The following IPO11 variants were observed in gnomAD, a reference collection of about 807,000 sequenced individuals.
IPO11 encodes importin 11.
Under a neutral mutation model 143.2 loss-of-function variants are expected in IPO11, and 66 were observed. The observed-to-expected ratio is 0.46, with a 90% confidence interval of 0.38 to 0.57. The LOEUF (loss-of-function observed/expected upper bound fraction) is 0.57. IPO11 is among the 20% of genes least tolerant of loss of function. The probability of loss-of-function intolerance (pLI) is 0.00; values close to 1 mark genes in which losing one functional copy is unlikely to be tolerated. For synonymous variants in IPO11, 385 were observed against 377.8 expected, an observed-to-expected ratio of 1.02 and a Z score of -0.22; for missense variants, 1,026 against 1,141.0, an observed-to-expected ratio of 0.90 and a Z score of 1.45.
intron 1 of IPO11, among the ~76,000 whole-genome samples, chr5:62,420,478 A>T (rs1277699914): frequency 1.3e-5 from 2 of 152,186 alleles, no homozygotes; most frequent in Non-Finnish European, 2.9e-5. Context: ...ATTTACTACG[A>T]CTTAGGATGG....
intron 1 of IPO11, among the ~76,000 whole-genome samples, chr5:62,427,191 C>T (rs1027083000): frequency 1.3e-5 from 2 of 151,768 alleles, no homozygotes; most frequent in Admixed American, 6.6e-5. Flanking sequence ...CCACCTGCCT[C>T]GGCATCCCAA....
chr5:62,483,270 A>G lies in IPO11; in HGVS notation c.998A>G (p.Tyr333Cys), dbSNP rs2112223595. 1 of 1,573,666 alleles carries G rather than the reference A, an allele frequency of 6.4e-7. No individual in the cohort carries two copies. The highest frequency in any genetic ancestry group is 1.2e-5 in the South Asian group (1 of 82,842). The change falls in exon 10 of 30, where the codon TAT (tyrosine) becomes TGT (cysteine). Residue 333 changes from tyrosine (Y) to cysteine (C), a missense_variant. Physicochemically the swap from Tyr to Cys is radical, Grantham distance 194. Around this residue, in one of 5 missense-constraint regions of IPO11, gnomAD observed 429 missense variants for 456.3 expected, o/e 0.94. Transcript: ENST00000325324. ...AAGATGATTGTCAAAAATTATGCTT[A>G]TAAGCCATCCAAAAATTTTGAAGGT... ...LIKMIVKNYA[Y>C]KPSKNFEDSS...
intron 1 of IPO11, among the ~76,000 whole-genome samples, chr5:62,432,879 A>G (rs987396409): frequency 6.6e-6 from 1 of 152,180 alleles, no homozygotes; most frequent in African/African-American, 2.4e-5. Flanking sequence ...GTTGTTGTTG[A>G]TAACTGAATT....
At chr5:62,471,516 C>T (rs1745772167) in intron 7 of IPO11, among the ~76,000 whole-genome samples, 1 of 152,062 alleles carries the variant, frequency 6.6e-6, no homozygotes, top group Admixed American at 6.5e-5. Flanking sequence ...TCTTACTCTT[C>T]AGAGATACTG....
intron 1 of IPO11, among the ~76,000 whole-genome samples, chr5:62,421,241 G>C (rs1169068698): frequency 1.3e-5 from 2 of 152,042 alleles, no homozygotes; most frequent in Admixed American, 6.6e-5. Flanking sequence ...AGGGTTCCTT[G>C]TATATTCTGT....
intron 1 of IPO11, among the ~76,000 whole-genome samples, chr5:62,420,125 C>T (rs943953860): frequency 1.3e-5 from 2 of 151,520 alleles, no homozygotes; most frequent in African/African-American, 2.4e-5. Context: ...CCTGTTTCTA[C>T]TAAAAAAATA....
intron 1 of IPO11, chr5:62,413,297 A>G (rs549913517): frequency 6.6e-6 from 1 of 152,358 alleles, no homozygotes; most frequent in Non-Finnish European, 1.5e-5. Context: ...GGTTATCTCG[A>G]GTATAAGACC....
intron 27 of IPO11, among the ~76,000 whole-genome samples, chr5:62,572,541 GTTTGTTTA>G (rs1241952216): frequency 0.014 from 1,990 of 141,736 alleles, 41 homozygotes; most frequent in African/African-American, 0.049. Flanking sequence ...ATGTATATTT[GTTTGTTTA>G]TTTATTTATT....
intron 29 of IPO11, among the ~76,000 whole-genome samples, chr5:62,609,953 A>G (rs768341228): frequency 3.9e-5 from 6 of 152,224 alleles, no homozygotes; most frequent in Non-Finnish European, 5.9e-5. Flanking sequence ...CTGGGACCAC[A>G]TTGGATGTGG....
chr5:62,420,794 T>A (rs1743488279), intron 1 of IPO11, among the ~76,000 whole-genome samples: 1 of 152,178 alleles, frequency 6.6e-6, no homozygotes, highest in African/African-American at 2.4e-5. Context: ...TTGCCCAGGC[T>A]GGTCTTGAAC....
intron 19 of IPO11, among the ~76,000 whole-genome samples, chr5:62,514,172 T>C (rs1007107892): frequency 1.3e-5 from 2 of 151,918 alleles, no homozygotes; most frequent in Non-Finnish European, 2.9e-5. Context: ...GAGACGCTCC[T>C]CACTTCCCAG....
intron 27 of IPO11, among the ~76,000 whole-genome samples, chr5:62,583,687 G>A (rs573357232): frequency 8.9e-4 from 136 of 152,204 alleles, no homozygotes; most frequent in African/African-American, 3.1e-3. Context: ...ATATTTCACC[G>A]TTGTTTGGTA....
At chr5:62,455,154 T>A (rs1745086585) in intron 5 of IPO11, among the ~76,000 whole-genome samples, 1 of 152,172 alleles carries the variant, frequency 6.6e-6, no homozygotes, top group Admixed American at 6.5e-5. Context: ...ATTTTGGTAA[T>A]CTGAAGCATG....
intron 1 of IPO11, among the ~76,000 whole-genome samples, chr5:62,432,268 G>A (rs754959042): frequency 2.6e-5 from 4 of 152,186 alleles, no homozygotes; most frequent in Non-Finnish European, 4.4e-5. Context: ...ACTATTCTTT[G>A]CCTGCTGCCC....
At chr5:62,570,469 C>T (rs570618829) in intron 27 of IPO11, among the ~76,000 whole-genome samples, 80 of 152,312 alleles carry the variant, frequency 5.3e-4, no homozygotes, top group South Asian at 3.5e-3. Flanking sequence ...ACCTGTTCCT[C>T]TTCTGATATC....
At chr5:62,503,542 C>T (rs774645271) in intron 16 of IPO11, among the ~76,000 whole-genome samples, 26 of 151,828 alleles carry the variant, frequency 1.7e-4, no homozygotes, top group African/African-American at 4.8e-4. Context: ...AACACAGTGC[C>T]GATGATAGTT....
At chr5:62,479,807 T>G (rs1191532777) in intron 9 of IPO11, among the ~76,000 whole-genome samples, 1 of 152,148 alleles carries the variant, frequency 6.6e-6, no homozygotes, top group South Asian at 2.1e-4. Flanking sequence ...CTTGTGATTT[T>G]GTTTAACTTC....
At chr5:62,438,373 A>G (rs928074643) in intron 2 of IPO11, among the ~76,000 whole-genome samples, 8 of 152,214 alleles carry the variant, frequency 5.3e-5, no homozygotes, top group African/African-American at 1.9e-4. Context: ...ATTGATTTTA[A>G]AAGATACTAA....
intron 19 of IPO11, among the ~76,000 whole-genome samples, chr5:62,513,836 G>A (rs892516152): frequency 2.7e-5 from 4 of 149,238 alleles, no homozygotes; most frequent in East Asian, 2.0e-4. Context: ...CTTCTCAGAC[G>A]GGGCGGTTGC....
Sources: allele counts gnomAD v4.1 joint callset (sites outside exome capture counted in the v4.1 genomes callset), GRCh38; gene constraint gnomAD v4.1.1; regional missense constraint gnomAD v4.1.1; transcripts MANE v1.5; gene names NCBI Gene and HGNC (gene_info 2026-07-23, HGNC 2026-07-21).